NEGR1: variants seen among roughly 807,000 people sequenced by gnomAD.
NEGR1 encodes neuronal growth regulator 1.
In NEGR1, 10 loss-of-function variants were observed where a neutral mutation model predicts 40.9. The ratio of observed to expected loss-of-function variants is 0.24; its 90% confidence interval spans 0.15 to 0.42. The LOEUF (loss-of-function observed/expected upper bound fraction) is 0.42, where lower values mean the gene tolerates loss of function less well. NEGR1 is among the 10% of genes least tolerant of loss of function. The pLI is 1.00. For missense variants in NEGR1, 352 were observed against 438.9 expected (o/e 0.80, Z 1.77); for synonymous variants, 185 against 166.8 (o/e 1.11, Z -0.84).
chr1:72,234,479 C>A (rs1654483981), intron 1 of NEGR1, among the ~76,000 whole-genome samples: 1 of 151,920 alleles, frequency 6.6e-6, no homozygotes, highest in African/African-American at 2.4e-5. Context: ...AAACTATCAA[C>A]AAAGTGAACC....
chr1:71,415,611 T>A (rs1557518395), intron 6 of NEGR1, among the ~76,000 whole-genome samples: 1 of 152,138 alleles, frequency 6.6e-6, no homozygotes, highest in Non-Finnish European at 1.5e-5. Flanking sequence ...GAAGCAATCA[T>A]CCAAATATAA....
At chr1:72,132,863 G>A (rs1650309743) in intron 1 of NEGR1, among the ~76,000 whole-genome samples, 1 of 152,122 alleles carries the variant, frequency 6.6e-6, no homozygotes, top group Admixed American at 6.6e-5. Flanking sequence ...CTAATCAAGA[G>A]TGGAGTAGAG....
chr1:71,854,112 C>T (rs963838012), intron 2 of NEGR1, among the ~76,000 whole-genome samples: 2 of 152,036 alleles, frequency 1.3e-5, no homozygotes, highest in Non-Finnish European at 2.9e-5. Flanking sequence ...ACATTTTGTT[C>T]ATTTTGCTTT....
chr1:71,942,461 A>C (rs1222509975), intron 1 of NEGR1, among the ~76,000 whole-genome samples: 2 of 6,982 alleles, frequency 2.9e-4, no homozygotes, highest in Non-Finnish European at 6.5e-4. Context: ...AAATCTATAT[A>C]TATATATATA....
intron 4 of NEGR1, among the ~76,000 whole-genome samples, chr1:71,680,606 G>GC (rs1247086000): frequency 6.6e-6 from 1 of 151,910 alleles, no homozygotes. Flanking sequence ...GTTCATTTCT[G>GC]TTTTAATTTT....
intron 4 of NEGR1, among the ~76,000 whole-genome samples, chr1:71,614,410 A>G (rs965357832): frequency 4.6e-5 from 7 of 152,130 alleles, no homozygotes; most frequent in South Asian, 2.1e-4. Context: ...TGTTTTGTTA[A>G]GCAAAATTTC....
At chr1:71,720,195 C>G (rs1654458373) in intron 3 of NEGR1, among the ~76,000 whole-genome samples, 1 of 152,096 alleles carries the variant, frequency 6.6e-6, no homozygotes, top group Admixed American at 6.6e-5. Flanking sequence ...TTCCATTGAA[C>G]AATGTTGTAA....
chr1:71,409,040 T>C (rs904948532), intron 6 of NEGR1: 70 of 152,228 alleles, frequency 4.6e-4, no homozygotes, highest in African/African-American at 1.4e-3. Flanking sequence ...CTGAGACTAC[T>C]ATTTTTTAAT....
intron 1 of NEGR1, among the ~76,000 whole-genome samples, chr1:71,946,800 T>A (rs1243947700): frequency 1.3e-5 from 2 of 152,046 alleles, no homozygotes; most frequent in Non-Finnish European, 1.5e-5. Context: ...ACAACTTTTA[T>A]ATTTATATAT....
At chr1:71,903,161 T>G (rs756024003) in intron 2 of NEGR1, among the ~76,000 whole-genome samples, 3 of 151,980 alleles carry the variant, frequency 2.0e-5, no homozygotes, top group Non-Finnish European at 2.9e-5. Flanking sequence ...ACCTAAGACT[T>G]CCATTATTAT....
In NEGR1 at chr1:72,271,862, G is replaced by A. The variant is rs189893803; in HGVS notation, c.176+10457C>T. On this transcript the variant is annotated intron_variant, in intron 1 of 6. Coordinates refer to ENST00000357731, the MANE Select transcript of NEGR1 (RefSeq NM_173808.3). The stretch of plus-strand genomic sequence containing the variant: ...ATGAATAAGTATCACAACATCTGAC[G>A]GGTTTATCAGGGCCTTCTGCTTTTG... 3.2e-3 allele frequency among the ~76,000 whole-genome samples: 484 copies of A among 151,814 alleles called. 3 individuals carry two copies. The Middle Eastern group carries it at 0.051, about 16-fold the overall frequency.
At chr1:72,221,008 C>T (rs925016392) in intron 1 of NEGR1, among the ~76,000 whole-genome samples, 1 of 148,892 alleles carries the variant, frequency 6.7e-6, no homozygotes, top group African/African-American at 2.5e-5. Context: ...TAAAACATGA[C>T]AAATTTATAC....
At chr1:72,219,302 G>A (rs1428508794) in intron 1 of NEGR1, among the ~76,000 whole-genome samples, 1 of 151,884 alleles carries the variant, frequency 6.6e-6, no homozygotes, top group African/African-American at 2.4e-5. Flanking sequence ...ATGGTAAAGG[G>A]CTTGCCATTT....
chr1:72,211,739 T>C (rs1339214606), intron 1 of NEGR1, among the ~76,000 whole-genome samples: 3 of 151,656 alleles, frequency 2.0e-5, no homozygotes, highest in African/African-American at 7.3e-5. Context: ...CCTAACTACA[T>C]AAATAGAATC....
intron 4 of NEGR1, among the ~76,000 whole-genome samples, chr1:71,680,058 T>C (rs1652784752): frequency 1.3e-5 from 2 of 152,058 alleles, no homozygotes; most frequent in Admixed American, 6.6e-5. Flanking sequence ...AATTTTTTAA[T>C]GAATTTGGTC....
chr1:72,073,944 T>C lies in NEGR1; in HGVS notation c.177-138633A>G, dbSNP rs141592514. Reference sequence around the variant, plus strand: ...ACAAATGATACTGGATGCAGGAATATAGAAATACAAAAGTTTTGAGATTAA... The same window carrying C: ...ACAAATGATACTGGATGCAGGAATACAGAAATACAAAAGTTTTGAGATTAA... On this transcript the variant is annotated intron_variant, in intron 1 of 6. Transcript: ENST00000357731. Among the ~76,000 whole-genome samples the C allele has an allele frequency of 5.4e-3, 819 of 152,146 alleles. 20 individuals are homozygous for C. Among genetic ancestry groups the C allele is most frequent in the Admixed American group, 0.042 (644 of 15,260 alleles).
intron 6 of NEGR1, among the ~76,000 whole-genome samples, chr1:71,467,531 T>C (rs1465475478): frequency 6.6e-6 from 1 of 152,082 alleles, no homozygotes; most frequent in Non-Finnish European, 1.5e-5. Flanking sequence ...GTGAACTAAT[T>C]ATTTTAATTT....
chr1:71,756,081 G>T (rs1655722861), intron 3 of NEGR1, among the ~76,000 whole-genome samples: 1 of 152,026 alleles, frequency 6.6e-6, no homozygotes, highest in Non-Finnish European at 1.5e-5. Context: ...CCAAGAAAAA[G>T]TTACACTAGC....
At chr1:71,610,210 T>C (rs966177222) in intron 5 of NEGR1, among the ~76,000 whole-genome samples, 1 of 152,232 alleles carries the variant, frequency 6.6e-6, no homozygotes, top group South Asian at 2.1e-4. Flanking sequence ...AACATTTGGC[T>C]TTTTTGACTT....
Sources: allele counts gnomAD v4.1 joint callset (sites outside exome capture counted in the v4.1 genomes callset), GRCh38; gene constraint gnomAD v4.1.1; transcripts MANE v1.5; gene names NCBI Gene and HGNC (gene_info 2026-07-23, HGNC 2026-07-21).